PTAFR: variants seen among roughly 807,000 people sequenced by gnomAD.
The protein encoded by PTAFR is platelet activating factor receptor.
A neutral mutation model predicts 14.7 loss-of-function variants in PTAFR; 8 were observed. The ratio of observed to expected loss-of-function variants is 0.54; its 90% CI spans 0.32 to 0.98. The LOEUF (loss-of-function observed/expected upper bound fraction) is 0.98. Among genes scored for constraint, PTAFR ranks in the 50% least tolerant of loss-of-function variants. The pLI, the probability that PTAFR is intolerant of heterozygous loss-of-function variation, is 0.04. For missense variants in PTAFR, 337 were observed against 451.2 expected (o/e 0.75, Z 2.29); for synonymous variants, 156 against 176.5 (o/e 0.88, Z 0.92).
intron 1 of PTAFR, among the ~76,000 whole-genome samples, chr1:28,170,917 G>A (rs182422593): frequency 3.4e-5 from 5 of 148,030 alleles, no homozygotes; most frequent in African/African-American, 7.5e-5. Flanking sequence ...GGAGAATGGC[G>A]TGAACCCGGG....
In PTAFR at chr1:28,149,994, T is replaced by C. The variant is rs781345926; in HGVS notation, c.1028A>G (p.Ter343TrpextTer12). 3 of 1,610,214 alleles carry C rather than the reference T, an allele frequency of 1.9e-6. No homozygotes were observed. The highest frequency in any genetic ancestry group is 2.7e-5 in the African/African-American group (2 of 74,994). The change falls in exon 2 of 2, where the codon TAG (stop) becomes TGG (tryptophan). Residue 343 changes from the stop codon to tryptophan (W), a stop_lost. Coordinates refer to ENST00000373857, the MANE Select transcript of PTAFR (RefSeq NM_000952.5). Reference protein sequence around the residue: ...NQIPGNSLKN* With the variant: ...NQIPGNSLKNW ...AGACTTCAGGCCTGGAAGCAGGGAC[T>C]AATTTTTGAGGGAATTGCCAGGGAT...
chr1:28,180,800 T>C (rs1646556038), upstream of PTAFR, among the ~76,000 whole-genome samples: 1 of 149,586 alleles, frequency 6.7e-6, no homozygotes, highest in Admixed American at 6.7e-5. Context: ...TGCTTTAAAA[T>C]ATTACAGCAA....
intron 1 of PTAFR, among the ~76,000 whole-genome samples, chr1:28,173,741 A>G (rs1439119208): frequency 6.6e-6 from 1 of 152,000 alleles, no homozygotes; most frequent in African/African-American, 2.4e-5. Flanking sequence ...CTCAACTCCA[A>G]ACCCAGGCCC....
At chr1:28,157,630 ATTT>A (rs1197395346) in intron 1 of PTAFR, among the ~76,000 whole-genome samples, 1 of 131,136 alleles carries the variant, frequency 7.6e-6, no homozygotes, top group Non-Finnish European at 1.7e-5. Flanking sequence ...ATTAATTTTG[ATTT>A]TTTTTTTTTT....
At chr1:28,157,088 G>A (rs188477236) in intron 1 of PTAFR, among the ~76,000 whole-genome samples, 3 of 152,290 alleles carry the variant, frequency 2.0e-5, no homozygotes, top group Middle Eastern at 3.4e-3. Context: ...TTCACTGGTT[G>A]CAAAATTTAA....
intron 1 of PTAFR, among the ~76,000 whole-genome samples, chr1:28,165,403 C>CAA (rs36099131): frequency 1.9e-3 from 89 of 45,666 alleles, no homozygotes; most frequent in African/African-American, 2.9e-3. Flanking sequence ...GACTCTGTCT[C>CAA]AAAAAAAAAA....
chr1:28,155,450 C>T (rs1314362530), intron 1 of PTAFR, among the ~76,000 whole-genome samples: 2 of 152,140 alleles, frequency 1.3e-5, no homozygotes, highest in African/African-American at 4.8e-5. Context: ...ACCTCATGAT[C>T]CGCCACCTCG....
chr1:28,150,974 A>G lies in PTAFR; in HGVS notation c.48T>C (p.Thr16=), dbSNP rs1439454606. The change falls in exon 2 of 2, where the codon ACT becomes ACC. Residue 16 remains threonine, a synonymous_variant. Coordinates refer to ENST00000373857, the MANE Select transcript of PTAFR (RefSeq NM_000952.5). This position sits in a 1 kb window ranked among gnomAD's most constrained non-coding sequence, Gnocchi z 6.3. ...TGATGCTGTAAACAATCGGGAAGAG[A>G]GTGTATCGGAACTCAGAGTCCATGT... The part of the protein sequence containing the change: ...SSHMDSEFRY[T]LFPIVYSIIF... The G allele has an allele frequency of 6.2e-7, 1 of 1,611,532 alleles. No homozygotes were observed. Among genetic ancestry groups the G allele is most frequent in the South Asian group, 1.1e-5 (1 of 90,734 alleles).
intron 1 of PTAFR, among the ~76,000 whole-genome samples, chr1:28,162,085 T>C (rs1202196373): frequency 6.6e-6 from 1 of 152,000 alleles, no homozygotes; most frequent in African/African-American, 2.4e-5. Flanking sequence ...TCCTGAGCCA[T>C]GGTAAGGAGT....
At chr1:28,151,438 A>G (rs989605757) in intron 1 of PTAFR, among the ~76,000 whole-genome samples, 2 of 152,084 alleles carry the variant, frequency 1.3e-5, no homozygotes, top group Non-Finnish European at 2.9e-5. Context: ...TCGGCCTCCC[A>G]AAGTGCTGGG....
rs756154289 is a variant in PTAFR, at chr1:28,150,057, G to A, written c.965C>T (p.Thr322Met). The stretch of plus-strand genomic sequence containing the variant: ...CACAACCACTTCAGTGACCGTATCC[G>A]TGGTGGCCCGGGAGCATTTCCGGCT... ...RSSRKCSRAT[T>M]DTVTEVVVPF... Residue 322 changes from threonine (T) to methionine (M), a missense_variant, in exon 2 of 2, where the codon ACG becomes ATG. Transcript: ENST00000373857. This position sits in a 1 kb window ranked among gnomAD's most constrained non-coding sequence, Gnocchi z 6.3. 1.1e-5 allele frequency: 18 copies of A among 1,614,092 alleles called. No homozygotes were observed. The highest frequency in any genetic ancestry group is 6.7e-5 in the African/African-American group (5 of 74,934).
At chr1:28,186,593 T>A (rs1274557012) in intron 1 of PTAFR, among the ~76,000 whole-genome samples, 3 of 152,210 alleles carry the variant, frequency 2.0e-5, no homozygotes, top group African/African-American at 7.2e-5. Context: ...AGACTTTTCA[T>A]ATCACATGTC....
intron 1 of PTAFR, among the ~76,000 whole-genome samples, chr1:28,192,717 G>C (rs188157426): frequency 1.3e-5 from 2 of 151,736 alleles, no homozygotes; most frequent in Admixed American, 1.3e-4. Flanking sequence ...TGGGATCTCA[G>C]CTCACCGTAA....
At chr1:28,172,445 C>A (rs533880561) in intron 1 of PTAFR, among the ~76,000 whole-genome samples, 4 of 152,180 alleles carry the variant, frequency 2.6e-5, no homozygotes, top group African/African-American at 7.2e-5. Flanking sequence ...CAGGCCCTGG[C>A]GTCACACAGA....
At chr1:28,163,407 G>A (rs1646347370) in intron 1 of PTAFR, among the ~76,000 whole-genome samples, 1 of 152,196 alleles carries the variant, frequency 6.6e-6, no homozygotes, top group Non-Finnish European at 1.5e-5. Flanking sequence ...ATGAATGGAT[G>A]AGTGGCCATG....
chr1:28,149,822 T>A lies in PTAFR; in HGVS notation c.*171A>T, dbSNP rs1646157527. 1.2e-6 allele frequency: 1 copy of A among 855,226 alleles called. No individual in the cohort carries two copies. The highest frequency in any genetic ancestry group is 1.8e-6 in the Non-Finnish European group (1 of 569,724). 53.0% of individuals were successfully genotyped at this position (855,226 alleles called of 1,614,324 possible). On this transcript the variant is annotated 3_prime_UTR_variant, in exon 2 of 2. Transcript: ENST00000373857. ...AAGGGGCTCATTTGAGTTCTGGATT[T>A]TCCAACAGCCTGGCTCTGCCATCAT... is the stretch of plus-strand genomic sequence containing the variant.
rs770821469 is a variant in PTAFR at position 28,150,813 on chromosome 1, AG to A, written c.208del (p.Leu70CysfsTer50). On this transcript the variant is annotated frameshift_variant, in exon 2 of 2. Transcript: ENST00000373857. LOFTEE classifies it high-confidence loss of function. This position sits in a 1 kb window ranked among gnomAD's most constrained non-coding sequence, Gnocchi z 6.3. ...TTGGTAGTAGACAATCCAAAGTGGCAGGGTGATCAAGAAGAGCATGTCCGCC... is the reference window on the plus strand; with the variant it reads ...TTGGTAGTAGACAATCCAAAGTGGCAGGTGATCAAGAAGAGCATGTCCGCC... Reference protein sequence around the residue: ...TMADMLFLITLPLWIVYYQNQ... With the variant: ...TMADMLFLITXPLWIVYYQNQ... 1.2e-6 allele frequency: 2 copies of A among 1,614,180 alleles called. No homozygotes were observed. Among genetic ancestry groups the A allele is most frequent in the South Asian group, 2.2e-5 (2 of 91,076 alleles).
chr1:28,187,500 G>A (rs903971638), intron 1 of PTAFR, among the ~76,000 whole-genome samples: 3 of 152,076 alleles, frequency 2.0e-5, no homozygotes, highest in Non-Finnish European at 4.4e-5. Flanking sequence ...TGATCTAGGG[G>A]TGAGAGAAAA....
intron 1 of PTAFR, among the ~76,000 whole-genome samples, chr1:28,173,095 C>A (rs548579394): frequency 1.4e-5 from 2 of 143,470 alleles, no homozygotes; most frequent in Non-Finnish European, 3.0e-5. Context: ...ATAGCAAGAT[C>A]CCGTTTCCAC....
Sources: gnomAD v4.1 joint callset for allele counts (sites outside exome capture counted in the v4.1 genomes callset) on GRCh38, gnomAD v4.1.1 for gene constraint, Gnocchi (gnomAD v3.1) non-coding constraint, MANE v1.5 for transcripts, NCBI Gene and HGNC (gene_info 2026-07-23, HGNC 2026-07-21) for gene names.